The following EPHA6 variants were observed in gnomAD, a reference collection of about 807,000 sequenced individuals.
EPHA6 encodes the protein EPH receptor A6, also known as ephrin type-A receptor 6.
A neutral mutation model predicts 112.0 loss-of-function variants in EPHA6; 50 were observed. The ratio of observed to expected loss-of-function variants is 0.45; its 90% CI spans 0.36 to 0.56. The LOEUF (loss-of-function observed/expected upper bound fraction) is 0.56, where lower values mean the gene tolerates loss of function less well. Among genes scored for constraint, EPHA6 ranks in the 20% least tolerant of loss-of-function variants. The pLI is 0.00. For synonymous variants in EPHA6, 529 were observed against 490.7 expected (o/e 1.08, Z -1.03); for missense variants, 1,280 against 1,417.4 (o/e 0.90, Z 1.56).
chr3:97,302,883 T>C (rs2081153355), intron 5 of EPHA6, among the ~76,000 whole-genome samples: 1 of 151,404 alleles, frequency 6.6e-6, no homozygotes, highest in African/African-American at 2.4e-5. Flanking sequence ...TCACTCAGTA[T>C]AGCTTTTTTC....
chr3:97,539,942 C>G (rs1362975573), intron 11 of EPHA6, among the ~76,000 whole-genome samples: 2 of 152,142 alleles, frequency 1.3e-5, no homozygotes, highest in African/African-American at 4.8e-5. Context: ...ACTGAGGATT[C>G]AGGAACCTGG....
chr3:96,845,720 C>A (rs1317724862), intron 1 of EPHA6, among the ~76,000 whole-genome samples: 1 of 151,900 alleles, frequency 6.6e-6, no homozygotes, highest in Non-Finnish European at 1.5e-5. Context: ...TTCTGTATAT[C>A]CTTGAAGGAA....
At chr3:97,515,767 T>C (rs1297589040) in intron 10 of EPHA6, among the ~76,000 whole-genome samples, 1 of 152,056 alleles carries the variant, frequency 6.6e-6, no homozygotes, top group African/African-American at 2.4e-5. Context: ...AAATTTAATC[T>C]CCTTGAGGAC....
chr3:96,956,468 A>C (rs1310256848), intron 2 of EPHA6, among the ~76,000 whole-genome samples: 1 of 152,146 alleles, frequency 6.6e-6, no homozygotes, highest in Non-Finnish European at 1.5e-5. Context: ...TTGTGTGGAG[A>C]ACTGATGGAC....
intron 1 of EPHA6, among the ~76,000 whole-genome samples, chr3:96,848,504 A>C (rs2035207213): frequency 6.6e-6 from 1 of 151,996 alleles, no homozygotes; most frequent in African/African-American, 2.4e-5. Context: ...GTGTGCCTGT[A>C]ATCCTAGCTA....
At chr3:97,234,140 C>T (rs575112538) in intron 4 of EPHA6, among the ~76,000 whole-genome samples, 1 of 152,162 alleles carries the variant, frequency 6.6e-6, no homozygotes, top group South Asian at 2.1e-4. Context: ...CAAATGGCTA[C>T]AGTCTAAAGA....
intron 3 of EPHA6, among the ~76,000 whole-genome samples, chr3:97,182,056 G>A (rs2077002992): frequency 6.6e-6 from 1 of 151,928 alleles, no homozygotes; most frequent in Admixed American, 6.6e-5. Flanking sequence ...CATTCTGGTG[G>A]CCATACCCCA....
At chr3:97,364,187 A>G (rs2084574409) in intron 5 of EPHA6, among the ~76,000 whole-genome samples, 3 of 152,254 alleles carry the variant, frequency 2.0e-5, no homozygotes, top group Middle Eastern at 3.4e-3. Flanking sequence ...ACCATGAAAA[A>G]AAGAGTTCTG....
At chr3:96,877,896 A>G (rs1488437955) in intron 2 of EPHA6, among the ~76,000 whole-genome samples, 1 of 147,284 alleles carries the variant, frequency 6.8e-6, no homozygotes, top group Non-Finnish European at 1.5e-5. Flanking sequence ...TTGCGTGTGT[A>G]TATAGTATGT....
intron 11 of EPHA6, among the ~76,000 whole-genome samples, chr3:97,547,892 T>C (rs920852459): frequency 6.6e-6 from 1 of 152,146 alleles, no homozygotes; most frequent in Non-Finnish European, 1.5e-5. Flanking sequence ...TCTCCTGGTG[T>C]GCCATTTTTT....
intron 12 of EPHA6, among the ~76,000 whole-genome samples, chr3:97,603,598 G>A (rs2093658940): frequency 2.0e-5 from 3 of 151,762 alleles, no homozygotes; most frequent in Non-Finnish European, 4.4e-5. Context: ...GATTAAAACC[G>A]TCAATTCTAG....
chr3:97,511,128 T>C (rs1207788969), intron 10 of EPHA6, among the ~76,000 whole-genome samples: 10 of 152,078 alleles, frequency 6.6e-5, no homozygotes, highest in Admixed American at 6.5e-4. Context: ...GCGGGTGGGA[T>C]CCACTAAGCT....
intron 2 of EPHA6, among the ~76,000 whole-genome samples, chr3:96,901,210 A>G (rs953075988): frequency 2.0e-5 from 3 of 152,168 alleles, no homozygotes; most frequent in African/African-American, 4.8e-5. Context: ...TCATTAGCCA[A>G]CAGATTTTGA....
chr3:97,407,193 G>T (rs1577274012), intron 6 of EPHA6, among the ~76,000 whole-genome samples: 1 of 151,924 alleles, frequency 6.6e-6, no homozygotes, highest in Admixed American at 6.6e-5. Flanking sequence ...GATTCTAAAA[G>T]GACCTAGAAA....
chr3:97,488,176 CATA>C (rs780075684), intron 10 of EPHA6, among the ~76,000 whole-genome samples: 5 of 152,172 alleles, frequency 3.3e-5, no homozygotes, highest in Non-Finnish European at 5.9e-5. Context: ...AATGGAAATA[CATA>C]ATATCTTCCT....
intron 11 of EPHA6, among the ~76,000 whole-genome samples, chr3:97,579,650 AC>A (rs2093419530): frequency 6.6e-6 from 1 of 152,202 alleles, no homozygotes; most frequent in African/African-American, 2.4e-5. Flanking sequence ...ACCATTATTT[AC>A]ACCACTGCAG....
intron 6 of EPHA6, among the ~76,000 whole-genome samples, chr3:97,437,855 G>T (rs1298939785): frequency 6.6e-6 from 1 of 151,706 alleles, no homozygotes; most frequent in African/African-American, 2.4e-5. Context: ...CCCCTTTCAA[G>T]TCATTTTATC....
chr3:97,000,289 A>ATATATATAGC (rs1316555803), intron 3 of EPHA6, among the ~76,000 whole-genome samples: 1 of 151,380 alleles, frequency 6.6e-6, no homozygotes, highest in African/African-American at 2.4e-5. Context: ...ACACACACAC[A>ATATATATAGC]CACATATATA....
intron 11 of EPHA6, among the ~76,000 whole-genome samples, chr3:97,575,411 T>A (rs563087773): frequency 8.5e-5 from 13 of 152,238 alleles, no homozygotes; most frequent in African/African-American, 2.9e-4. Flanking sequence ...ATTTAAACAT[T>A]CAAAAGCAAG....
Sources: gnomAD v4.1 joint callset for allele counts (sites outside exome capture counted in the v4.1 genomes callset) on GRCh38, gnomAD v4.1.1 for gene constraint, MANE v1.5 for transcripts, NCBI Gene and HGNC (gene_info 2026-07-23, HGNC 2026-07-21) for gene names.